Variants in TNFRSF8 observed in about 807,000 individuals in gnomAD.
TNFRSF8 encodes the protein TNF receptor superfamily member 8, also known as tumor necrosis factor receptor superfamily member 8.
In TNFRSF8, 26 loss-of-function variants were observed where a neutral mutation model predicts 70.8. The observed-to-expected ratio is 0.37, with a 90% CI of 0.27 to 0.51. The LOEUF (loss-of-function observed/expected upper bound fraction) is 0.51, where lower values mean the gene tolerates loss of function less well. Among genes scored for constraint, TNFRSF8 ranks in the 20% least tolerant of loss-of-function variants. TNFRSF8 has a pLI of 0.94. For missense variants in TNFRSF8, 720 were observed against 807.9 expected (o/e 0.89, Z 1.32); for synonymous variants, 356 against 339.2 (o/e 1.05, Z -0.54).
Position 12,110,050 on chromosome 1 carries a change from C to A in TNFRSF8, c.522C>A (p.Ile174=), listed in dbSNP as rs149570709. The change falls in exon 6 of 15, where the codon ATC becomes ATA. Residue 174 remains isoleucine (I), a synonymous_variant. Transcript: ENST00000263932. This position sits in a 1 kb window ranked among gnomAD's most constrained non-coding sequence, Gnocchi z 4.0. Reference sequence around the variant, plus strand: ...CTGGCTTCTTCCCCAGTGGCACCATCCCCCAGGCCAAGCCCACCCCGGTGT... The same window carrying A: ...CTGGCTTCTTCCCCAGTGGCACCATACCCCAGGCCAAGCCCACCCCGGTGT... The part of the protein sequence containing the change: ...ENCKEPSSGT[I]PQAKPTPVSP... 6 of 1,612,594 alleles carry A rather than the reference C, an allele frequency of 3.7e-6. No individual in the cohort carries two copies. The African/African-American group carries it at 6.7e-5, about 18-fold the overall frequency.
At chr1:12,130,417 AG>A (rs1248347819) in intron 12 of TNFRSF8, among the ~76,000 whole-genome samples, 1 of 151,870 alleles carries the variant, frequency 6.6e-6, no homozygotes, top group African/African-American at 2.4e-5. Context: ...CCTTATTCTG[AG>A]ATGTTCCCAG....
intron 1 of TNFRSF8, among the ~76,000 whole-genome samples, chr1:12,067,914 C>G (rs1640771156): frequency 7.3e-6 from 1 of 137,124 alleles, no homozygotes; most frequent in African/African-American, 2.8e-5. Flanking sequence ...GGGGGGGGGA[C>G]CTGGAGAGGA....
rs751234356 is a variant in TNFRSF8 at position 12,126,154 on chromosome 1, C to T, written c.1256-29C>T. The T allele has an allele frequency of 2.5e-6, 4 of 1,614,100 alleles. No individual in the cohort carries two copies. The East Asian group carries it at 8.9e-5, about 36-fold the overall frequency. On this transcript the variant is annotated intron_variant, in intron 11 of 14. Transcript: ENST00000263932. The stretch of plus-strand genomic sequence containing the variant: ...TGCTCCTGCTCTCTGAGGCCGCCAC[C>T]CCCAGCCTTCCTCCTGGTGTCGTTT...
intron 2 of TNFRSF8, among the ~76,000 whole-genome samples, chr1:12,093,107 G>T (rs1469189485): frequency 6.6e-6 from 1 of 152,122 alleles, no homozygotes; most frequent in African/African-American, 2.4e-5. Flanking sequence ...CACCGGCCAA[G>T]TTTCCCCTTT....
At chr1:12,134,736 G>A (rs1321842322) in intron 12 of TNFRSF8, among the ~76,000 whole-genome samples, 1 of 152,200 alleles carries the variant, frequency 6.6e-6, no homozygotes, top group East Asian at 1.9e-4. Context: ...GGCTTCGGGC[G>A]TGTCCCAGGC....
chr1:12,140,138 G>C (rs1391161141), intron 14 of TNFRSF8, among the ~76,000 whole-genome samples: 5 of 152,242 alleles, frequency 3.3e-5, no homozygotes, highest in African/African-American at 1.2e-4. Flanking sequence ...ATGGGGAGGA[G>C]AAGGAAGTAC....
intron 4 of TNFRSF8, among the ~76,000 whole-genome samples, chr1:12,106,278 G>A (rs1006073519): frequency 3.9e-5 from 6 of 151,914 alleles, no homozygotes; most frequent in South Asian, 2.1e-4. Flanking sequence ...TGTCCCACCC[G>A]CCCTCTGCAC....
intron 1 of TNFRSF8, among the ~76,000 whole-genome samples, chr1:12,065,843 T>C (rs1423239359): frequency 1.3e-5 from 2 of 152,208 alleles, no homozygotes; most frequent in Non-Finnish European, 2.9e-5. Flanking sequence ...TGTTCTCTAC[T>C]ACAGTGCACA....
In TNFRSF8 at chr1:12,137,504, C is replaced by A. The variant is rs535275961; in HGVS notation, c.1336-725C>A. 2.5e-3 allele frequency among the ~76,000 whole-genome samples: 379 copies of A among 150,848 alleles called. 1 individual carries two copies. The highest frequency in any genetic ancestry group is 8.8e-3 in the African/African-American group (365 of 41,244). Reference sequence around the variant, plus strand: ...CTTCTTTGCCCTTACCTGTAAAAATCAAAAACTAAACTGACACTTTCCTCA... The same window carrying A: ...CTTCTTTGCCCTTACCTGTAAAAATAAAAAACTAAACTGACACTTTCCTCA... On this transcript the variant is annotated intron_variant, in intron 13 of 14. Transcript: ENST00000263932.
chr1:12,076,852 T>C (rs1242728499), intron 1 of TNFRSF8, among the ~76,000 whole-genome samples: 1 of 152,156 alleles, frequency 6.6e-6, no homozygotes, highest in Non-Finnish European at 1.5e-5. Context: ...AGGAGGTGAC[T>C]ACTGAGTTCG....
Position 12,142,560 on chromosome 1 carries a change from C to T in TNFRSF8, c.*29C>T. ...CTGGGCTGGGCTGGGGCTAGGAGGG[C>T]AGCAGGGTGGCCTCTGGGAGGCCAG... On this transcript the variant is annotated 3_prime_UTR_variant, in exon 15 of 15. Coordinates refer to ENST00000263932, the MANE Select transcript of TNFRSF8 (RefSeq NM_001243.5). This position sits in a 1 kb window ranked among gnomAD's most constrained non-coding sequence, Gnocchi z 5.0. 6.5e-7 allele frequency: 1 copy of T among 1,548,722 alleles called. No homozygotes were observed. The highest frequency in any genetic ancestry group is 2.0e-5 in the Admixed American group (1 of 50,992).
intron 4 of TNFRSF8, among the ~76,000 whole-genome samples, chr1:12,106,324 C>G (rs577018575): frequency 6.6e-5 from 10 of 152,236 alleles, no homozygotes; most frequent in Non-Finnish European, 1.3e-4. Context: ...CCTTCCCTCC[C>G]CATTCACTTA....
intron 3 of TNFRSF8, among the ~76,000 whole-genome samples, chr1:12,100,604 C>T (rs933937024): frequency 6.6e-6 from 1 of 151,850 alleles, no homozygotes; most frequent in African/African-American, 2.4e-5. Flanking sequence ...CAAACACCTA[C>T]ATTATCCGAG....
intron 8 of TNFRSF8, among the ~76,000 whole-genome samples, chr1:12,117,906 GAC>G (rs1641761568): frequency 6.6e-6 from 1 of 151,896 alleles, no homozygotes; most frequent in Admixed American, 6.6e-5. Flanking sequence ...GCTCCGTGTG[GAC>G]ACAGTATTTC....
rs922239108 is a variant in TNFRSF8, at chr1:12,088,432, C to T, written c.151+3881C>T. 1.3e-5 allele frequency among the ~76,000 whole-genome samples: 2 copies of T among 151,950 alleles called. No individual in the cohort carries two copies. The highest frequency in any genetic ancestry group is 4.8e-5 in the African/African-American group (2 of 41,354). On this transcript the variant is annotated intron_variant, in intron 2 of 14. Transcript: ENST00000263932. This position sits in a 1 kb window ranked among gnomAD's most constrained non-coding sequence, Gnocchi z 4.0. ...ATGCGTATCAGTGGCTCAGCCGGGC[C>T]GTGAACATGACCACCGAGTGCAGTC...
intron 3 of TNFRSF8, among the ~76,000 whole-genome samples, chr1:12,102,520 T>TTTTTG (rs1342331559): frequency 7.2e-5 from 11 of 152,140 alleles, no homozygotes; most frequent in Admixed American, 2.6e-4. Flanking sequence ...ACCAGTGCTA[T>TTTTTG]TTTTGTTTTG....
chr1:12,136,870 C>CTTTTTTTTT (rs201470263), intron 13 of TNFRSF8, among the ~76,000 whole-genome samples: 56 of 118,638 alleles, frequency 4.7e-4, no homozygotes, highest in Non-Finnish European at 7.7e-4. Context: ...ATACTCAGTT[C>CTTTTTTTTT]TTTTTTTTTT....
intron 3 of TNFRSF8, among the ~76,000 whole-genome samples, chr1:12,100,280 G>C (rs1039308424): frequency 2.6e-5 from 4 of 152,186 alleles, no homozygotes; most frequent in Non-Finnish European, 5.9e-5. Context: ...ATGAGTAAGT[G>C]GTGGGTGAGT....
At chr1:12,136,870 C>CTTTTTTTTTTTTTTTTTTTTTTTT (rs201470263) in intron 13 of TNFRSF8, among the ~76,000 whole-genome samples, 1 of 118,696 alleles carries the variant, frequency 8.4e-6, no homozygotes, top group African/African-American at 3.1e-5. Context: ...ATACTCAGTT[C>CTTTTTTTTTTTTTTTTTTTTTTTT]TTTTTTTTTT....
Sources: gnomAD v4.1 joint callset for allele counts (sites outside exome capture counted in the v4.1 genomes callset) on GRCh38, gnomAD v4.1.1 for gene constraint, Gnocchi (gnomAD v3.1) non-coding constraint, MANE v1.5 for transcripts, NCBI Gene and HGNC (gene_info 2026-07-23, HGNC 2026-07-21) for gene names.